SNX11: variants seen among roughly 807,000 people sequenced by gnomAD.
SNX11 encodes the protein sorting nexin-11.
SNX11 carries 19 observed loss-of-function variants against 30.7 expected under a neutral mutation model. The ratio of observed to expected loss-of-function variants is 0.62; its 90% CI spans 0.43 to 0.91. The LOEUF is 0.91. Among genes scored for constraint, SNX11 ranks in the 40% least tolerant of loss-of-function variants. The pLI is 0.00. For missense variants in SNX11, 302 were observed against 326.7 expected, an observed-to-expected ratio of 0.92 and a Z score of 0.58; for synonymous variants, 112 against 119.0, an observed-to-expected ratio of 0.94 and a Z score of 0.38.
rs2063536324 is a variant in SNX11 at position 48,115,475 on chromosome 17, A to G, written c.230+2074A>G. Among the ~76,000 whole-genome samples, 4 of 152,172 alleles carry G rather than the reference A, an allele frequency of 2.6e-5. No homozygotes were observed. In the South Asian group the frequency reaches 8.3e-4, roughly 32 times the overall value. On this transcript the variant is annotated intron_variant, in intron 4 of 6. Transcript: ENST00000359238. ...ATCAAAAATATTTTTCTTTCTTTATATGCATATATGTCTAGAGCTCAACAA... is the reference window on the plus strand; with the variant it reads ...ATCAAAAATATTTTTCTTTCTTTATGTGCATATATGTCTAGAGCTCAACAA...
chr17:48,117,002 G>T (rs957279115), intron 4 of SNX11, among the ~76,000 whole-genome samples: 1 of 151,864 alleles, frequency 6.6e-6, no homozygotes, highest in Non-Finnish European at 1.5e-5. Flanking sequence ...CTCCTGAGTA[G>T]CTGGGATTAC....
rs2063608982 is a variant in SNX11 at position 48,122,203 on chromosome 17, G to A, written c.*695G>A. 6.5e-6 allele frequency: 1 copy of A among 153,796 alleles called. No homozygotes were observed. The highest frequency in any genetic ancestry group is 1.5e-5 in the Non-Finnish European group (1 of 68,090). The allele number at this position is 153,796 out of a possible 1,614,324, so 9.5% of individuals were successfully genotyped here. On this transcript the variant is annotated 3_prime_UTR_variant, in exon 7 of 7. Transcript: ENST00000359238. ...GCCAGAGGGAACAGTAACAGCCCAG[G>A]GGCCTTTATTTTGGGAAAGGCTGTC...
At position 48,121,204 on chromosome 17, in the gene SNX11, C is replaced by T. The variant is rs375993386; in HGVS notation, c.540-31C>T. 11 of 1,612,018 alleles carry T rather than the reference C, an allele frequency of 6.8e-6. No homozygotes were observed. In the African/African-American group the frequency reaches 1.3e-4, roughly 20 times the overall value. ...CCCTATGTTACCCAAGCTGTTCATA[C>T]CTTTCTTTTCCCTTTCCCACTCTTT... On this transcript the variant is annotated intron_variant, in intron 6 of 6. Coordinates refer to ENST00000359238, the MANE Select transcript of SNX11 (RefSeq NM_013323.3).
chr17:48,109,860 A>T (rs1292718028), intron 1 of SNX11, among the ~76,000 whole-genome samples: 1 of 152,166 alleles, frequency 6.6e-6, no homozygotes, highest in African/African-American at 2.4e-5. Flanking sequence ...CCCCAAAGGA[A>T]AGAAGAATTT....
chr17:48,119,288 C>A, intron 6 of SNX11, 102 bp downstream of exon 6: 2 of 878,578 alleles, frequency 2.3e-6, no homozygotes, highest in East Asian at 2.6e-5. Context: ...GCATTGGTAG[C>A]CTTTCACAAC....
Position 48,121,564 on chromosome 17 carries a change from AG to A in SNX11, c.*58del, listed in dbSNP as rs2063603385. On this transcript the variant is annotated 3_prime_UTR_variant, in exon 7 of 7. Transcript: ENST00000359238. ...AAGATGCGGGCCAGGAGACTTACTCAGGTGGGACTGGGCACAGGGCAGGTAT... is the reference window on the plus strand; with the variant it reads ...AAGATGCGGGCCAGGAGACTTACTCAGTGGGACTGGGCACAGGGCAGGTAT... 1 of 1,580,622 alleles carries A rather than the reference AG, an allele frequency of 6.3e-7. No homozygotes were observed. Among genetic ancestry groups the A allele is most frequent in the South Asian group, 1.2e-5 (1 of 86,908 alleles).
At chr17:48,113,028 G>A (rs8076380) in intron 3 of SNX11, among the ~76,000 whole-genome samples, 109,990 of 152,076 alleles carry the variant, frequency 0.72, 40,579 homozygotes, top group Admixed American at 0.81. Context: ...GTGAGCCACC[G>A]TGCAGGTCAA....
intron 5 of SNX11, 70 bp downstream of exon 5, chr17:48,118,869 G>A: frequency 1.3e-6 from 2 of 1,559,254 alleles, no homozygotes; most frequent in Non-Finnish European, 1.8e-6. Context: ...TGCCAGGCAG[G>A]ATGGAGCTCC....
At chr17:48,119,420 G>A (rs1356041738) in intron 6 of SNX11, among the ~76,000 whole-genome samples, 2 of 151,992 alleles carry the variant, frequency 1.3e-5, no homozygotes, top group Non-Finnish European at 2.9e-5. Flanking sequence ...TCATTTATTC[G>A]GTTTTTTATT....
chr17:48,116,694 A>G (rs1787412648), intron 4 of SNX11, among the ~76,000 whole-genome samples: 1 of 149,296 alleles, frequency 6.7e-6, no homozygotes, highest in African/African-American at 2.5e-5. Context: ...CAGCCTCCTG[A>G]GCAGTTGGGA....
chr17:48,116,988 C>T (rs998724853), intron 4 of SNX11, among the ~76,000 whole-genome samples: 1 of 151,978 alleles, frequency 6.6e-6, no homozygotes, highest in East Asian at 1.9e-4. Context: ...TCTCCTTCCT[C>T]AGCCTCCTGA....
chr17:48,112,570 A>G lies in SNX11; in HGVS notation c.43-4A>G, dbSNP rs770679863. On this transcript the variant is annotated splice_region_variant and splice_polypyrimidine_tract_variant and intron_variant, in intron 2 of 6. Transcript: ENST00000359238. ...GAAGCTGAGGGAGCTTTTCTTACCT[A>G]CAGGAGGTGATTACAGTGCGTGTTC... 3 of 1,607,588 alleles carry G rather than the reference A, an allele frequency of 1.9e-6. No individual in the cohort carries two copies. The highest frequency in any genetic ancestry group is 2.6e-6 in the Non-Finnish European group (3 of 1,174,740).
At chr17:48,120,789 C>G (rs896319776) in intron 6 of SNX11, among the ~76,000 whole-genome samples, 1 of 151,564 alleles carries the variant, frequency 6.6e-6, no homozygotes. Context: ...GGATTACAGG[C>G]GTGAGCCACC....
In SNX11 at chr17:48,121,308, G is replaced by C. The variant is rs371948730; in HGVS notation, c.613G>C (p.Glu205Gln). The change falls in exon 7 of 7, where the codon GAA (glutamate) becomes CAA (glutamine). Residue 205 changes from glutamate (E) to glutamine (Q), a missense_variant. Glu to Gln is a conservative substitution (Grantham distance 29). Transcript: ENST00000359238. ...PPPSEEKDHL[E>Q]VWAPVVDSEV... is the part of the protein sequence containing the mutation. ...TCCCAGTGAAGAAAAGGACCATTTAGAAGTGTGGGCTCCAGTTGTTGACTC... is the reference window on the plus strand; with the variant it reads ...TCCCAGTGAAGAAAAGGACCATTTACAAGTGTGGGCTCCAGTTGTTGACTC... 1 of 1,614,066 alleles carries C rather than the reference G, an allele frequency of 6.2e-7. No homozygotes were observed. Among genetic ancestry groups the C allele is most frequent in the African/African-American group, 1.3e-5 (1 of 74,924 alleles).
rs908294358 is a variant in SNX11, at chr17:48,122,960, T to G, written c.*1452T>G. ...GCTGGGATCCAACTCTTCTCACAGT[T>G]CTGGGCGTGAACCTTGTTAGGTATA... On this transcript the variant is annotated 3_prime_UTR_variant, in exon 7 of 7. Coordinates refer to ENST00000359238, the MANE Select transcript of SNX11 (RefSeq NM_013323.3). The G allele has an allele frequency of 3.9e-5, 6 of 152,180 alleles. No homozygotes were observed. Among genetic ancestry groups the G allele is most frequent in the Non-Finnish European group, 8.8e-5 (6 of 68,038 alleles). 9.4% of individuals were successfully genotyped at this position (152,180 alleles called of 1,614,324 possible). A position where few individuals can be genotyped will look rare whatever the true frequency, so the allele number is the denominator to read the frequency against.
Position 48,118,752 on chromosome 17 carries a change from T to C in SNX11, c.279T>C (p.Asp93=). The change falls in exon 5 of 7, where the codon GAT becomes GAC. Residue 93 remains aspartate, a synonymous_variant. Transcript: ENST00000359238. ...AGTCAACCTTCTTCGGCACCTCAGA[T>C]GAGTTCATTGAGAAGCGACGACAAG... ...PGKSTFFGTS[D]EFIEKRRQGL... is the part of the protein sequence containing the mutation. 6.2e-7 allele frequency: 1 copy of C among 1,614,068 alleles called. No individual in the cohort carries two copies. Among genetic ancestry groups the C allele is most frequent in the Non-Finnish European group, 8.5e-7 (1 of 1,179,974 alleles).
chr17:48,109,972 T>C (rs1009035491), intron 1 of SNX11, among the ~76,000 whole-genome samples: 6 of 133,104 alleles, frequency 4.5e-5, no homozygotes, highest in African/African-American at 1.7e-4. Flanking sequence ...CAAACCTTTT[T>C]CAAGGCACAA....
At position 48,118,818 on chromosome 17, in the gene SNX11, T is replaced by C. The variant is rs538663850; in HGVS notation, c.326+19T>C. On this transcript the variant is annotated intron_variant, in intron 5 of 6. Transcript: ENST00000359238. ...TTGAAAAGTGAGTGGACAGAACGGC[T>C]GGTGCTGGCCACCAAGGGTGGAGGC... The C allele has an allele frequency of 1.9e-6, 3 of 1,602,988 alleles. No individual in the cohort carries two copies. The highest frequency in any genetic ancestry group is 2.2e-5 in the South Asian group (2 of 90,846).
intron 6 of SNX11, among the ~76,000 whole-genome samples, chr17:48,120,205 T>G (rs2063584673): frequency 9.1e-6 from 1 of 109,446 alleles, no homozygotes; most frequent in Admixed American, 1.1e-4. Flanking sequence ...TTATCTGTTT[T>G]TTTTTTTTTT....
Sources: gnomAD v4.1 joint callset for allele counts (sites outside exome capture counted in the v4.1 genomes callset) on GRCh38, gnomAD v4.1.1 for gene constraint, MANE v1.5 for transcripts, NCBI Gene and HGNC (gene_info 2026-07-23, HGNC 2026-07-21) for gene names.